NAALADL2: variants seen among roughly 807,000 people sequenced by gnomAD.
The protein encoded by NAALADL2 is N-acetylated alpha-linked acidic dipeptidase like 2, also known as inactive N-acetylated-alpha-linked acidic dipeptidase-like protein 2.
Under a neutral mutation model 87.2 loss-of-function variants are expected in NAALADL2, and 76 were observed. The ratio of observed to expected loss-of-function variants is 0.87; its 90% CI spans 0.72 to 1.05. NAALADL2 has a LOEUF of 1.05. Among genes scored for constraint, NAALADL2 ranks in the 50% least tolerant of loss-of-function variants. The probability of loss-of-function intolerance (pLI) is 0.00; values close to 1 mark genes in which losing one functional copy is unlikely to be tolerated. For synonymous variants in NAALADL2, 354 were observed against 331.0 expected, an observed-to-expected ratio of 1.07 and a Z score of -0.75; for missense variants, 1,089 against 945.8, an observed-to-expected ratio of 1.15 and a Z score of -1.99.
intron 1 of NAALADL2, among the ~76,000 whole-genome samples, chr3:174,527,146 G>T (rs929832471): frequency 9.2e-5 from 14 of 152,144 alleles, no homozygotes; most frequent in African/African-American, 3.4e-4. Context: ...TCAATAGTTT[G>T]TTCTGCTCTA....
chr3:175,728,300 T>C (rs1743211916), intron 11 of NAALADL2, among the ~76,000 whole-genome samples: 1 of 152,148 alleles, frequency 6.6e-6, no homozygotes, highest in South Asian at 2.1e-4. Flanking sequence ...GTATTCCAAA[T>C]GAAAGACAGT....
In NAALADL2 at chr3:175,649,274, A is replaced by G. The variant is rs190147922; in HGVS notation, c.1896+21888A>G. Among the ~76,000 whole-genome samples the G allele has an allele frequency of 1.4e-4, 21 of 152,284 alleles. No homozygotes were observed. The East Asian group carries it at 2.3e-3, about 17-fold the overall frequency. ...AGAAAAAAAGATAAAGAAAACATAA[A>G]ATAGTCTCACATTTCAGAGGAAGTT... On this transcript the variant is annotated intron_variant, in intron 11 of 13. Transcript: ENST00000454872.
At chr3:174,948,036 G>A (rs1163605044) in intron 1 of NAALADL2, among the ~76,000 whole-genome samples, 4 of 151,816 alleles carry the variant, frequency 2.6e-5, no homozygotes, top group African/African-American at 9.7e-5. Flanking sequence ...CACGAAACTT[G>A]ACATATTGTT....
At chr3:175,777,814 T>TCTC (rs1750450250) in intron 13 of NAALADL2, among the ~76,000 whole-genome samples, 1 of 152,122 alleles carries the variant, frequency 6.6e-6, no homozygotes, top group African/African-American at 2.4e-5. Flanking sequence ...AGTAGCTGGA[T>TCTC]CTCCTCCCAT....
chr3:175,599,546 C>T (rs1722675754), intron 10 of NAALADL2, among the ~76,000 whole-genome samples: 1 of 152,140 alleles, frequency 6.6e-6, no homozygotes, highest in African/African-American at 2.4e-5. Flanking sequence ...AGAGATGGAC[C>T]TTGAGCCAAG....
At chr3:175,709,285 C>T (rs1740187405) in intron 11 of NAALADL2, among the ~76,000 whole-genome samples, 1 of 152,026 alleles carries the variant, frequency 6.6e-6, no homozygotes, top group Non-Finnish European at 1.5e-5. Flanking sequence ...ACATATCATG[C>T]TATGTGTGTA....
chr3:175,024,486 A>G (rs1751969191), intron 1 of NAALADL2, among the ~76,000 whole-genome samples: 1 of 152,166 alleles, frequency 6.6e-6, no homozygotes, highest in African/African-American at 2.4e-5. Flanking sequence ...GATATCTTAA[A>G]GAGAAAATAC....
intron 13 of NAALADL2, among the ~76,000 whole-genome samples, chr3:175,787,548 CA>C (rs1752211513): frequency 1.3e-5 from 2 of 152,210 alleles, no homozygotes; most frequent in Admixed American, 1.3e-4. Flanking sequence ...CCAAGTGAGG[CA>C]ATGCCTCGCC....
At chr3:175,775,083 TAG>T (rs1559997010) in intron 13 of NAALADL2, 1 of 148,868 alleles carries the variant, frequency 6.7e-6, no homozygotes, top group Non-Finnish European at 1.5e-5. Flanking sequence ...GATCAGAAAG[TAG>T]TAAGGCCTTT....
chr3:175,497,201 A>C (rs1728940594), intron 9 of NAALADL2, among the ~76,000 whole-genome samples: 1 of 152,090 alleles, frequency 6.6e-6, no homozygotes, highest in Non-Finnish European at 1.5e-5. Flanking sequence ...AGCCTCCCCG[A>C]GTAGCTGAGA....
chr3:174,446,954 T>G (rs1374997896), intron 1 of NAALADL2, among the ~76,000 whole-genome samples: 1 of 152,082 alleles, frequency 6.6e-6, no homozygotes, highest in Non-Finnish European at 1.5e-5. Flanking sequence ...CTGGACCCCT[T>G]TTTTGCATTT....
intron 9 of NAALADL2, among the ~76,000 whole-genome samples, chr3:175,521,811 T>C (rs1471251843): frequency 1.3e-5 from 2 of 152,132 alleles, no homozygotes; most frequent in Non-Finnish European, 2.9e-5. Context: ...AAGAGAAATG[T>C]TGGGATCCAG....
chr3:175,786,409 C>CT (rs1461555172), intron 13 of NAALADL2, among the ~76,000 whole-genome samples: 2 of 152,146 alleles, frequency 1.3e-5, no homozygotes, highest in Non-Finnish European at 2.9e-5. Context: ...GCTTTTTACT[C>CT]TTTTTTCTCT....
At chr3:175,333,623 A>G (rs1761656714) in intron 5 of NAALADL2, among the ~76,000 whole-genome samples, 1 of 152,118 alleles carries the variant, frequency 6.6e-6, no homozygotes, top group South Asian at 2.1e-4. Context: ...AAATTAGTTT[A>G]TATCATGGAG....
chr3:174,541,896 A>G (rs1722268668), intron 1 of NAALADL2, among the ~76,000 whole-genome samples: 1 of 137,024 alleles, frequency 7.3e-6, no homozygotes, highest in Admixed American at 7.8e-5. Flanking sequence ...TCAGTGGTGG[A>G]AGAAAGCATG....
intron 5 of NAALADL2, among the ~76,000 whole-genome samples, chr3:175,326,775 A>G (rs1052453136): frequency 5.9e-5 from 9 of 152,168 alleles, no homozygotes; most frequent in Non-Finnish European, 1.2e-4. Flanking sequence ...GCCCCTCAAA[A>G]TAACGCGCCT....
intron 1 of NAALADL2, among the ~76,000 whole-genome samples, chr3:174,476,751 C>T (rs755554861): frequency 1.2e-4 from 18 of 151,946 alleles, no homozygotes; most frequent in Non-Finnish European, 1.9e-4. Context: ...CCGTCAGTGT[C>T]GATGTTTATC....
intron 10 of NAALADL2, among the ~76,000 whole-genome samples, chr3:175,616,596 T>A (rs528699649): frequency 6.6e-6 from 1 of 152,194 alleles, no homozygotes; most frequent in South Asian, 2.1e-4. Context: ...TCAGTGCCAC[T>A]TCGCAAGCTG....
At chr3:175,241,012 C>T (rs1029190279) in intron 3 of NAALADL2, among the ~76,000 whole-genome samples, 4 of 151,992 alleles carry the variant, frequency 2.6e-5, no homozygotes, top group African/African-American at 9.7e-5. Flanking sequence ...TATTAGTCTC[C>T]CTTATTTTTC....
Sources: gnomAD v4.1 joint callset for allele counts (sites outside exome capture counted in the v4.1 genomes callset) on GRCh38, gnomAD v4.1.1 for gene constraint, MANE v1.5 for transcripts, NCBI Gene and HGNC (gene_info 2026-07-23, HGNC 2026-07-21) for gene names.